CABLES1: variants seen among roughly 807,000 people sequenced by gnomAD.
CABLES1 encodes the protein Cdk5 and Abl enzyme substrate 1, also known as CDK5 and ABL1 enzyme substrate 1.
Under a neutral mutation model 57.8 loss-of-function variants are expected in CABLES1, and 36 were observed. The ratio of observed to expected loss-of-function variants is 0.62; its 90% confidence interval spans 0.48 to 0.82. The LOEUF (loss-of-function observed/expected upper bound fraction) is 0.82, where lower values mean the gene tolerates loss of function less well. Ranked by LOEUF, CABLES1 falls within the 40% of genes least tolerant of loss-of-function variation. The probability of loss-of-function intolerance (pLI) is 0.00; values close to 1 mark genes in which losing one functional copy is unlikely to be tolerated. For missense variants in CABLES1, 767 were observed against 836.6 expected (o/e 0.92, Z 1.03); for synonymous variants, 374 against 363.0 (o/e 1.03, Z -0.35).
intron 1 of CABLES1, among the ~76,000 whole-genome samples, chr18:23,180,679 T>C (rs562599587): frequency 2.9e-4 from 44 of 152,158 alleles, no homozygotes; most frequent in Non-Finnish European, 4.6e-4. Context: ...GCAGCTGATT[T>C]TAATTCTTGG....
At position 23,253,675 on chromosome 18, in the gene CABLES1, C is replaced by G. The variant is rs180839859; in HGVS notation, c.1554-54C>G. ...TTCAAGATGGGGGAGTTTTTCTGTC[C>G]ACTGAAACTCTAAGTTTTCACAAGA... On this transcript the variant is annotated intron_variant, in intron 8 of 9. Coordinates refer to ENST00000256925, the MANE Select transcript of CABLES1 (RefSeq NM_001100619.3). The G allele has an allele frequency of 1.1e-3, 1,580 of 1,456,960 alleles. 23 individuals carry two copies. The Admixed American group carries it at 0.027, about 25-fold the overall frequency. The allele number at this position is 1,456,960 out of a possible 1,614,324, so 90.3% of individuals were successfully genotyped here. A position where few individuals can be genotyped will look rare whatever the true frequency, so the allele number is the denominator to read the frequency against.
At chr18:23,138,265 G>A (rs1332673689) in intron 1 of CABLES1, among the ~76,000 whole-genome samples, 3 of 152,186 alleles carry the variant, frequency 2.0e-5, no homozygotes, top group Non-Finnish European at 4.4e-5. Flanking sequence ...GGAAGATCTT[G>A]TGTGTTCGCA....
intron 2 of CABLES1, among the ~76,000 whole-genome samples, chr18:23,193,488 C>T (rs1598822124): frequency 6.8e-6 from 1 of 146,614 alleles, no homozygotes; most frequent in African/African-American, 2.5e-5. Flanking sequence ...CACCACGCCC[C>T]AGCCCAGAAT....
chr18:23,175,556 G>T (rs1334861593), intron 1 of CABLES1, among the ~76,000 whole-genome samples: 1 of 152,134 alleles, frequency 6.6e-6, no homozygotes, highest in African/African-American at 2.4e-5. Context: ...ACAGCTCACT[G>T]CAGCCTCTAC....
At chr18:23,204,681 T>A (rs933004655) in intron 3 of CABLES1, 10 of 152,300 alleles carry the variant, frequency 6.6e-5, no homozygotes, top group Admixed American at 3.3e-4. Flanking sequence ...AAAAAGAGGC[T>A]TAATGGATTC....
rs752046647 is a variant in CABLES1 at position 23,234,658 on chromosome 18, AAG to A, written c.1143_1144del (p.Glu381AspfsTer12). 2.5e-6 allele frequency: 4 copies of A among 1,613,798 alleles called. No individual in the cohort carries two copies. The African/African-American group carries it at 5.3e-5, about 22-fold the overall frequency. On this transcript the variant is annotated frameshift_variant, in exon 5 of 10. Coordinates refer to ENST00000256925, the MANE Select transcript of CABLES1 (RefSeq NM_001100619.3). LOFTEE classifies it high-confidence loss of function. ...CAATCAACTGGTGCAGTGAGTTTGA[AAG>A]AGATCATTGGTCTGGAAGGTGTGGA...
At chr18:23,177,214 G>A (rs775544090) in intron 1 of CABLES1, among the ~76,000 whole-genome samples, 22 of 152,108 alleles carry the variant, frequency 1.4e-4, no homozygotes, top group Admixed American at 3.3e-4. Flanking sequence ...GAAGCGAGAC[G>A]GCTCCAGCAC....
intron 1 of CABLES1, among the ~76,000 whole-genome samples, chr18:23,173,000 C>T (rs549994342): frequency 2.4e-4 from 37 of 152,268 alleles, no homozygotes; most frequent in African/African-American, 8.4e-4. Flanking sequence ...GGATGTCTTA[C>T]GCCAAAGGTT....
chr18:23,201,316 A>G (rs6507532), intron 3 of CABLES1, among the ~76,000 whole-genome samples: 148,088 of 152,302 alleles, frequency 0.97, 72,016 homozygotes, highest in East Asian at 1. Flanking sequence ...CTAGTATCAC[A>G]GAAGGCTGGT....
intron 1 of CABLES1, among the ~76,000 whole-genome samples, chr18:23,180,915 A>C (rs1239908458): frequency 6.6e-6 from 1 of 152,230 alleles, no homozygotes; most frequent in Non-Finnish European, 1.5e-5. Flanking sequence ...GTAACAAAAA[A>C]GGGATTTTCT....
At chr18:23,234,474 C>G in intron 4 of CABLES1, 134 bp from the exon 5 acceptor site, 2 of 678,828 alleles carry the variant, frequency 2.9e-6, no homozygotes, top group Non-Finnish European at 5.3e-6. Context: ...AGAGGGACAA[C>G]GGGCTGTCCC....
At chr18:23,165,875 T>C (rs554293527) in intron 1 of CABLES1, among the ~76,000 whole-genome samples, 36 of 152,290 alleles carry the variant, frequency 2.4e-4, no homozygotes, top group Non-Finnish European at 4.7e-4. Flanking sequence ...CGATCTCTCA[T>C]GTAGGGGTGA....
chr18:23,182,170 C>T (rs568633759), intron 1 of CABLES1, among the ~76,000 whole-genome samples: 27 of 152,226 alleles, frequency 1.8e-4, no homozygotes, highest in Non-Finnish European at 3.8e-4. Flanking sequence ...GAACACAGAA[C>T]TGGTTCTTCA....
intron 1 of CABLES1, among the ~76,000 whole-genome samples, chr18:23,154,517 G>A (rs1345819976): frequency 6.6e-6 from 1 of 152,176 alleles, no homozygotes; most frequent in Non-Finnish European, 1.5e-5. Context: ...ACAATCGGGT[G>A]CCTCGTAGTG....
At chr18:23,169,824 G>T (rs2047069459) in intron 1 of CABLES1, among the ~76,000 whole-genome samples, 1 of 152,150 alleles carries the variant, frequency 6.6e-6, no homozygotes, top group Admixed American at 6.5e-5. Context: ...GGGATGAGGG[G>T]TCTGAAGTGG....
rs144245561 is a variant in CABLES1 at position 23,225,610 on chromosome 18, C to T, written c.1089-8998C>T. Among the ~76,000 whole-genome samples the T allele has an allele frequency of 5.8e-3, 877 of 152,346 alleles. 9 individuals are homozygous for T. Among genetic ancestry groups the T allele is most frequent in the South Asian group, 0.024 (116 of 4,830 alleles). On this transcript the variant is annotated intron_variant, in intron 4 of 9. Transcript: ENST00000256925. ...TCAAACCTTCCCATAGCTGTAAACACTCTTCTCAGATGAAGCTTGTAAATT... is the reference window on the plus strand; with the variant it reads ...TCAAACCTTCCCATAGCTGTAAACATTCTTCTCAGATGAAGCTTGTAAATT...
At chr18:23,210,594 C>CATA (rs2047397723) in intron 3 of CABLES1, among the ~76,000 whole-genome samples, 1 of 152,194 alleles carries the variant, frequency 6.6e-6, no homozygotes. Flanking sequence ...AGGTTCTAAA[C>CATA]ATAACGGTTG....
chr18:23,162,302 A>G (rs2047011107), intron 1 of CABLES1, among the ~76,000 whole-genome samples: 1 of 152,260 alleles, frequency 6.6e-6, no homozygotes, highest in Admixed American at 6.5e-5. Context: ...TTTTTCTAGT[A>G]TAGAATAAAA....
At position 23,241,509 on chromosome 18, in the gene CABLES1, G is replaced by A. The variant is rs1308989088; in HGVS notation, c.1446+4264G>A. 2.6e-5 allele frequency among the ~76,000 whole-genome samples: 4 copies of A among 152,148 alleles called. 1 individual carries two copies. The East Asian group carries it at 5.8e-4, about 22-fold the overall frequency. ...TCACACTATTCACTTCAGCCTGGGC[G>A]ACAAGCGAAACTACGTCTCAAAAAA... On this transcript the variant is annotated intron_variant, in intron 7 of 9. Transcript: ENST00000256925.
Sources: allele counts gnomAD v4.1 joint callset (sites outside exome capture counted in the v4.1 genomes callset), GRCh38; gene constraint gnomAD v4.1.1; transcripts MANE v1.5; gene names NCBI Gene and HGNC (gene_info 2026-07-23, HGNC 2026-07-21).